LRMDA: variants seen among roughly 807,000 people sequenced by gnomAD.
LRMDA encodes leucine rich melanocyte differentiation associated, also known as leucine-rich melanocyte differentiation-associated protein.
A neutral mutation model predicts 29.8 loss-of-function variants in LRMDA; 18 were observed. That is an observed-to-expected ratio of 0.60 (90% CI 0.42 to 0.90). The LOEUF is 0.90. Among genes scored for constraint, LRMDA ranks in the 40% least tolerant of loss-of-function variants. The pLI is 0.00. For synonymous variants in LRMDA, 125 were observed against 109.4 expected (o/e 1.14, Z -0.89); for missense variants, 273 against 273.9 (o/e 1.00, Z 0.02).
intron 6 of LRMDA, among the ~76,000 whole-genome samples, chr10:76,337,251 T>A (rs978532973): frequency 6.6e-6 from 1 of 152,200 alleles, no homozygotes; most frequent in African/African-American, 2.4e-5. Flanking sequence ...TGGGCAAACA[T>A]TTCTGCCTTC....
intron 2 of LRMDA, among the ~76,000 whole-genome samples, chr10:75,749,046 G>C (rs1842922805): frequency 6.6e-6 from 1 of 151,912 alleles, no homozygotes; most frequent in Non-Finnish European, 1.5e-5. Flanking sequence ...TTCCAACTCT[G>C]CTGCCCCTGA....
At chr10:76,002,407 G>C (rs1741348183) in intron 2 of LRMDA, among the ~76,000 whole-genome samples, 1 of 152,172 alleles carries the variant, frequency 6.6e-6, no homozygotes, top group African/African-American at 2.4e-5. Flanking sequence ...ACAGTGTGGT[G>C]GAAACACCCA....
At chr10:75,643,416 T>A (rs924359869) in intron 2 of LRMDA, among the ~76,000 whole-genome samples, 3 of 152,176 alleles carry the variant, frequency 2.0e-5, no homozygotes, top group Non-Finnish European at 4.4e-5. Flanking sequence ...CAAGCGCAAG[T>A]GTTCCGGGGA....
intron 2 of LRMDA, among the ~76,000 whole-genome samples, chr10:75,440,801 C>CA (rs1330586643): frequency 1.3e-5 from 2 of 152,068 alleles, no homozygotes; most frequent in African/African-American, 4.8e-5. Flanking sequence ...TTTGGGAGGC[C>CA]AAGGCGGGCA....
chr10:75,573,247 A>G (rs1400802573), intron 2 of LRMDA, among the ~76,000 whole-genome samples: 1 of 152,176 alleles, frequency 6.6e-6, no homozygotes, highest in Non-Finnish European at 1.5e-5. Flanking sequence ...AATATTACAT[A>G]TCAATGTGTG....
chr10:75,727,393 A>C (rs1208705207), intron 2 of LRMDA, among the ~76,000 whole-genome samples: 1 of 152,188 alleles, frequency 6.6e-6, no homozygotes. Flanking sequence ...TTTAAGTTAG[A>C]AACAAAATAT....
intron 6 of LRMDA, among the ~76,000 whole-genome samples, chr10:76,462,873 T>A (rs1310828238): frequency 6.6e-6 from 1 of 152,222 alleles, no homozygotes; most frequent in Non-Finnish European, 1.5e-5. Context: ...GTGTAGCTGC[T>A]AAATCACTTC....
intron 2 of LRMDA, among the ~76,000 whole-genome samples, chr10:75,777,690 G>C (rs1843330279): frequency 6.6e-6 from 1 of 152,198 alleles, no homozygotes; most frequent in Non-Finnish European, 1.5e-5. Flanking sequence ...GCCGGGATCT[G>C]AATCCTGGTC....
intron 5 of LRMDA, among the ~76,000 whole-genome samples, chr10:76,147,423 A>T (rs1018309618): frequency 2.0e-5 from 3 of 151,736 alleles, no homozygotes; most frequent in African/African-American, 7.3e-5. Flanking sequence ...TTCTCGCTTC[A>T]TTTCATTCAT....
chr10:76,009,651 G>A (rs768740663), intron 2 of LRMDA, among the ~76,000 whole-genome samples: 4 of 152,138 alleles, frequency 2.6e-5, no homozygotes, highest in African/African-American at 4.8e-5. Flanking sequence ...ACCTCCCAGT[G>A]GTCTGAGGGC....
At chr10:75,585,393 T>A (rs1170146091) in intron 2 of LRMDA, among the ~76,000 whole-genome samples, 1 of 152,236 alleles carries the variant, frequency 6.6e-6, no homozygotes, top group Non-Finnish European at 1.5e-5. Context: ...AAAAAGCTAA[T>A]CTGGAAATTT....
At chr10:75,895,400 A>G (rs913577066) in intron 2 of LRMDA, among the ~76,000 whole-genome samples, 3 of 152,138 alleles carry the variant, frequency 2.0e-5, no homozygotes, top group Non-Finnish European at 4.4e-5. Context: ...CTTCACAAAA[A>G]CCCTGTGAAG....
intron 2 of LRMDA, among the ~76,000 whole-genome samples, chr10:75,505,745 C>T (rs1430232411): frequency 6.6e-6 from 1 of 152,184 alleles, no homozygotes; most frequent in Non-Finnish European, 1.5e-5. Context: ...GATCCCTCCA[C>T]CCCTACTCCA....
chr10:75,588,196 T>C (rs1458192245), intron 2 of LRMDA, among the ~76,000 whole-genome samples: 2 of 152,000 alleles, frequency 1.3e-5, no homozygotes, highest in East Asian at 1.9e-4. Flanking sequence ...ATCAGAGGTG[T>C]GAAGTGAGAG....
chr10:76,033,730 C>G (rs1015340617), intron 2 of LRMDA, among the ~76,000 whole-genome samples: 2 of 152,172 alleles, frequency 1.3e-5, no homozygotes. Context: ...ACCCGTAAGG[C>G]TCCCTAAGGG....
chr10:76,146,200 A>G (rs1260992579), intron 5 of LRMDA, among the ~76,000 whole-genome samples: 3 of 152,116 alleles, frequency 2.0e-5, no homozygotes, highest in East Asian at 1.9e-4. Flanking sequence ...GTAGATTTCT[A>G]TTAGGTCCAC....
intron 6 of LRMDA, among the ~76,000 whole-genome samples, chr10:76,370,318 TC>T (rs1348901012): frequency 6.6e-6 from 1 of 152,156 alleles, no homozygotes; most frequent in African/African-American, 2.4e-5. Flanking sequence ...ATGGCTTTAA[TC>T]CTCTGTGCCT....
At chr10:75,577,924 C>T (rs1330656080) in intron 2 of LRMDA, among the ~76,000 whole-genome samples, 1 of 150,270 alleles carries the variant, frequency 6.7e-6, no homozygotes, top group Non-Finnish European at 1.5e-5. Context: ...GTACCAGCCA[C>T]TGCAAAAACA....
chr10:75,960,755 A>G (rs1250461822), intron 2 of LRMDA, among the ~76,000 whole-genome samples: 4 of 152,166 alleles, frequency 2.6e-5, no homozygotes, highest in Non-Finnish European at 5.9e-5. Flanking sequence ...CTGGAACTTC[A>G]GGCATGTGCC....
Sources: gnomAD v4.1 joint callset for allele counts (sites outside exome capture counted in the v4.1 genomes callset) on GRCh38, gnomAD v4.1.1 for gene constraint, MANE v1.5 for transcripts, NCBI Gene and HGNC (gene_info 2026-07-23, HGNC 2026-07-21) for gene names.